PRDM10: variants seen among roughly 807,000 people sequenced by gnomAD.
The protein encoded by PRDM10 is PR domain zinc finger protein 10.
PRDM10 carries 65 observed loss-of-function variants against 133.1 expected under a neutral mutation model. The ratio of observed to expected loss-of-function variants is 0.49; its 90% CI spans 0.40 to 0.60. The LOEUF is 0.60. Ranked by LOEUF, PRDM10 falls within the 20% of genes least tolerant of loss-of-function variation. The pLI is 0.00. For missense variants in PRDM10, 1,137 were observed against 1,507.1 expected, an observed-to-expected ratio of 0.75 and a Z score of 4.07; for synonymous variants, 582 against 580.4, an observed-to-expected ratio of 1.00 and a Z score of -0.04.
At position 129,947,309 on chromosome 11, in the gene PRDM10, G is replaced by C; in HGVS notation, c.356C>G (p.Pro119Arg). ...PSIESVDGSD[P>R]LATLQTPLGR... ...TAGAGGGGTCTGCAGAGTTGCCAAA[G>C]GGTCGGACCCATCTACACTCTCGAT... is the stretch of plus-strand genomic sequence containing the variant. Residue 119 changes from proline to arginine, a missense_variant, in exon 5 of 21, where the codon CCT becomes CGT. Coordinates refer to ENST00000360871, the MANE Select transcript of PRDM10 (RefSeq NM_199437.2). This position sits in a 1 kb window ranked among gnomAD's most constrained non-coding sequence, Gnocchi z 4.6. 1 of 1,613,962 alleles carries C rather than the reference G, an allele frequency of 6.2e-7. No homozygotes were observed. The highest frequency in any genetic ancestry group is 8.5e-7 in the Non-Finnish European group (1 of 1,179,966).
intron 1 of PRDM10, among the ~76,000 whole-genome samples, chr11:129,988,803 G>A (rs370825652): frequency 2.8e-4 from 42 of 151,468 alleles, no homozygotes; most frequent in Admixed American, 9.2e-4. Context: ...CTAATTTTTC[G>A]TATTTTTAAC....
chr11:129,928,088 A>G (rs1446678612), intron 11 of PRDM10, among the ~76,000 whole-genome samples: 1 of 152,142 alleles, frequency 6.6e-6, no homozygotes, highest in Non-Finnish European at 1.5e-5. Flanking sequence ...AGATCATAAA[A>G]TGTTTCTAAA....
At chr11:129,903,154 C>T (rs1305198603) in intron 20 of PRDM10, among the ~76,000 whole-genome samples, 5 of 151,750 alleles carry the variant, frequency 3.3e-5, no homozygotes, top group Admixed American at 2.0e-4. Context: ...AAAAATTAGC[C>T]GGGCGTGGTG....
At chr11:129,960,606 T>G (rs1951777840) in intron 2 of PRDM10, among the ~76,000 whole-genome samples, 1 of 152,206 alleles carries the variant, frequency 6.6e-6, no homozygotes, top group Admixed American at 6.5e-5. Context: ...GTTTGAGGTT[T>G]TCAGCAGCAA....
At chr11:129,969,213 G>A (rs1278316044) in intron 1 of PRDM10, among the ~76,000 whole-genome samples, 1 of 152,192 alleles carries the variant, frequency 6.6e-6, no homozygotes, top group Non-Finnish European at 1.5e-5. Flanking sequence ...GCTATATGAT[G>A]ATTTTTGCTG....
chr11:129,920,016 C>T (rs1394629226), intron 13 of PRDM10, among the ~76,000 whole-genome samples: 1 of 152,202 alleles, frequency 6.6e-6, no homozygotes, highest in African/African-American at 2.4e-5. Context: ...CCCTACGTGA[C>T]AGTATCTTTC....
chr11:129,958,732 G>A (rs963076275), intron 2 of PRDM10, among the ~76,000 whole-genome samples: 1 of 152,234 alleles, frequency 6.6e-6, no homozygotes, highest in Non-Finnish European at 1.5e-5. Flanking sequence ...ATCAGTAAAT[G>A]CTTGCTGAAT....
chr11:129,947,720 T>A lies in PRDM10; in HGVS notation c.295-350A>T. 2.2e-6 allele frequency: 1 copy of A among 454,812 alleles called. No homozygotes were observed. The allele number at this position is 454,812 out of a possible 1,614,324, so 28.2% of individuals were successfully genotyped here. On this transcript the variant is annotated intron_variant, in intron 4 of 20. Transcript: ENST00000360871. The surrounding 1 kb of genome is among the most constrained non-coding windows in gnomAD (Gnocchi z 4.6). The stretch of plus-strand genomic sequence containing the variant: ...GCGTCCTGACCCCACCCCTAAAACT[T>A]AATAAAACCTGGTCTCTTCCTGGCT...
chr11:130,001,829 T>C (rs1048287318), intron 1 of PRDM10, among the ~76,000 whole-genome samples: 1 of 151,998 alleles, frequency 6.6e-6, no homozygotes, highest in Non-Finnish European at 1.5e-5. Context: ...GCCTCTGCGC[T>C]GCACCCTGGG....
rs1950583672 is a variant in PRDM10 at position 129,923,654 on chromosome 11, G to T, written c.1879-251C>A. Among the ~76,000 whole-genome samples, 1 of 132,498 alleles carries T rather than the reference G, an allele frequency of 7.5e-6. No homozygotes were observed. Among genetic ancestry groups the T allele is most frequent in the East Asian group, 2.1e-4 (1 of 4,870 alleles). The allele number at this position is 132,498 out of a possible 152,430, so 86.9% of individuals were successfully genotyped here. On this transcript the variant is annotated intron_variant, in intron 12 of 20. Coordinates refer to ENST00000360871, the MANE Select transcript of PRDM10 (RefSeq NM_199437.2). This position sits in a 1 kb window ranked among gnomAD's most constrained non-coding sequence, Gnocchi z 4.4. Reference sequence around the variant, plus strand: ...GATGACTTGAAACGTGAGAGAGAGAGAGAGAGAGAGAGAGAGAGAGAGAGA... The same window carrying T: ...GATGACTTGAAACGTGAGAGAGAGATAGAGAGAGAGAGAGAGAGAGAGAGA...
intron 9 of PRDM10, among the ~76,000 whole-genome samples, chr11:129,933,595 TAACA>T (rs1236281397): frequency 2.0e-5 from 3 of 152,304 alleles, no homozygotes; most frequent in African/African-American, 4.8e-5. Context: ...AACAGTTGGC[TAACA>T]AACATATTAC....
intron 1 of PRDM10, among the ~76,000 whole-genome samples, chr11:129,984,384 C>T (rs982811814): frequency 6.6e-6 from 1 of 152,184 alleles, no homozygotes; most frequent in Non-Finnish European, 1.5e-5. Flanking sequence ...CCCTTGAGCC[C>T]GCGTTCCTGC....
At chr11:129,963,491 T>A (rs1437656971) in intron 1 of PRDM10, among the ~76,000 whole-genome samples, 3 of 151,914 alleles carry the variant, frequency 2.0e-5, no homozygotes, top group Non-Finnish European at 2.9e-5. Flanking sequence ...ACTTTTTTTT[T>A]AAAGTTGTTT....
At chr11:129,970,969 G>T (rs1224279626) in intron 1 of PRDM10, among the ~76,000 whole-genome samples, 1 of 152,128 alleles carries the variant, frequency 6.6e-6, no homozygotes, top group Non-Finnish European at 1.5e-5. Flanking sequence ...GAAATTGGTG[G>T]GTTCTGGGTC....
At chr11:129,944,294 G>A (rs369370493) in intron 6 of PRDM10, among the ~76,000 whole-genome samples, 9 of 152,018 alleles carry the variant, frequency 5.9e-5, no homozygotes, top group Admixed American at 1.3e-4. Context: ...ACGCCTTCAG[G>A]CACTAAAATT....
rs573545117 is a variant in PRDM10 at position 129,938,850 on chromosome 11, T to A, written c.967-1180A>T. Among the ~76,000 whole-genome samples, 6 of 152,174 alleles carry A rather than the reference T, an allele frequency of 3.9e-5. No homozygotes were observed. In the East Asian group the frequency reaches 9.6e-4, roughly 24 times the overall value. On this transcript the variant is annotated intron_variant, in intron 7 of 20. Coordinates refer to ENST00000360871, the MANE Select transcript of PRDM10 (RefSeq NM_199437.2). ...ATCTCCCCAACCTGGAAAAGCAAAC[T>A]CAGCCCTTGTCAGTCTCCCTGACCC...
At position 129,923,523 on chromosome 11, in the gene PRDM10, C is replaced by T. The variant is rs557502103; in HGVS notation, c.1879-120G>A. On this transcript the variant is annotated intron_variant, in intron 12 of 20. Transcript: ENST00000360871. This position sits in a 1 kb window ranked among gnomAD's most constrained non-coding sequence, Gnocchi z 4.4. ...TACCATGGGTTTTCATCAACCCCGC[C>T]GAGGAATCCAATCAGATGTGATAAT... 161 of 1,070,032 alleles carry T rather than the reference C, an allele frequency of 1.5e-4. 1 individual carries two copies. The highest frequency in any genetic ancestry group is 1.3e-3 in the East Asian group (47 of 36,566). The allele number at this position is 1,070,032 out of a possible 1,614,324, so 66.3% of individuals were successfully genotyped here.
Position 129,918,829 on chromosome 11 carries a change from G to C in PRDM10, c.2035-111C>G. The C allele has an allele frequency of 9.0e-7, 1 of 1,105,514 alleles. No individual in the cohort carries two copies. The highest frequency in any genetic ancestry group is 1.3e-6 in the Non-Finnish European group (1 of 765,392). The allele number at this position is 1,105,514 out of a possible 1,614,324, so 68.5% of individuals were successfully genotyped here. ...ATTAGCAGTCACCACAAGCCTCCAA[G>C]AGACATTTGAGTTGCTGGAACACTA... On this transcript the variant is annotated intron_variant, in intron 13 of 20. Transcript: ENST00000360871. This position sits in a 1 kb window ranked among gnomAD's most constrained non-coding sequence, Gnocchi z 5.3.
intron 1 of PRDM10, among the ~76,000 whole-genome samples, chr11:129,991,545 A>G (rs1462583605): frequency 2.0e-5 from 3 of 151,762 alleles, no homozygotes; most frequent in African/African-American, 7.3e-5. Context: ...TTAGCTGGAC[A>G]TGGTGGCGGG....
Sources: allele counts gnomAD v4.1 joint callset (sites outside exome capture counted in the v4.1 genomes callset), GRCh38; gene constraint gnomAD v4.1.1; non-coding constraint Gnocchi (gnomAD v3.1); transcripts MANE v1.5; gene names NCBI Gene and HGNC (gene_info 2026-07-23, HGNC 2026-07-21).